CSGALNACT1: variants seen among roughly 807,000 people sequenced by gnomAD.
CSGALNACT1 encodes chondroitin sulfate N-acetylgalactosaminyltransferase 1.
In CSGALNACT1, 52 loss-of-function variants were observed where a neutral mutation model predicts 51.0. The observed-to-expected ratio is 1.02, with a 90% CI of 0.82 to 1.29. The LOEUF (loss-of-function observed/expected upper bound fraction) is 1.29, where lower values mean the gene tolerates loss of function less well. CSGALNACT1 is among the 50% of genes most tolerant of loss of function. The pLI is 0.00. For synonymous variants in CSGALNACT1, 341 were observed against 254.4 expected (o/e 1.34, Z -3.24); for missense variants, 935 against 679.2 (o/e 1.38, Z -4.19).
intron 3 of CSGALNACT1, among the ~76,000 whole-genome samples, chr8:19,520,932 A>G (rs1382312963): frequency 6.6e-6 from 1 of 152,200 alleles, no homozygotes; most frequent in Non-Finnish European, 1.5e-5. Context: ...ACCATGCCAC[A>G]TGGCTTCTCT....
chr8:19,415,389 T>C (rs1411913997), intron 8 of CSGALNACT1, among the ~76,000 whole-genome samples: 3 of 152,170 alleles, frequency 2.0e-5, no homozygotes, highest in African/African-American at 4.8e-5. Flanking sequence ...CCAAACTAAA[T>C]AGTCATAAAT....
intron 1 of CSGALNACT1, among the ~76,000 whole-genome samples, chr8:19,709,135 G>C (rs1395286871): frequency 1.3e-5 from 2 of 152,202 alleles, no homozygotes; most frequent in Non-Finnish European, 2.9e-5. Flanking sequence ...CTGGATTCAA[G>C]AACGAGCTGC....
At chr8:19,504,890 CAT>C (rs1430233276) in intron 4 of CSGALNACT1, among the ~76,000 whole-genome samples, 3 of 152,138 alleles carry the variant, frequency 2.0e-5, no homozygotes, top group Non-Finnish European at 4.4e-5. Flanking sequence ...AGTGCCCTGT[CAT>C]ATTTTATTTG....
chr8:19,643,881 T>C (rs1589230720), intron 1 of CSGALNACT1, among the ~76,000 whole-genome samples: 1 of 152,310 alleles, frequency 6.6e-6, no homozygotes, highest in East Asian at 1.9e-4. Context: ...TAGCAGTAAT[T>C]TGGCAAGTAT....
At chr8:19,420,250 G>GACATCAGAGTGACTGAC in intron 7 of CSGALNACT1, 90 bp downstream of exon 6, 3 of 1,151,666 alleles carry the variant, frequency 2.6e-6, no homozygotes, top group Non-Finnish European at 3.9e-6. Flanking sequence ...TCAGAAGCAG[G>GACATCAGAGTGACTGAC]ACATCAGAGT....
upstream of CSGALNACT1, among the ~76,000 whole-genome samples, chr8:19,604,211 A>C (rs2051018421): frequency 6.6e-6 from 1 of 152,192 alleles, no homozygotes; most frequent in Non-Finnish European, 1.5e-5. Context: ...TCAGGGTGGA[A>C]GGGGAATAGC....
intron 1 of CSGALNACT1, among the ~76,000 whole-genome samples, chr8:19,721,519 G>A (rs189879854): frequency 6.6e-6 from 1 of 152,294 alleles, no homozygotes; most frequent in Non-Finnish European, 1.5e-5. Context: ...CATAAAGCCT[G>A]ATGGACCATG....
At chr8:19,727,754 T>C (rs1480185200) in intron 1 of CSGALNACT1, among the ~76,000 whole-genome samples, 6 of 152,134 alleles carry the variant, frequency 3.9e-5, no homozygotes, top group Non-Finnish European at 8.8e-5. Context: ...GGGTGACATT[T>C]CCCATCCTTC....
At chr8:19,524,693 C>T (rs1435282043) in intron 3 of CSGALNACT1, among the ~76,000 whole-genome samples, 1 of 151,972 alleles carries the variant, frequency 6.6e-6, no homozygotes, top group East Asian at 1.9e-4. Flanking sequence ...ATTGCTTATC[C>T]CTATTAAAAG....
At chr8:19,753,339 C>A (rs1399065461) in intron 1 of CSGALNACT1, among the ~76,000 whole-genome samples, 1 of 147,660 alleles carries the variant, frequency 6.8e-6, no homozygotes, top group Non-Finnish European at 1.5e-5. Flanking sequence ...GATTACTGAC[C>A]TAGACCTTGA....
intron 1 of CSGALNACT1, among the ~76,000 whole-genome samples, chr8:19,623,114 A>C (rs1232640609): frequency 2.0e-5 from 3 of 152,226 alleles, no homozygotes; most frequent in Non-Finnish European, 4.4e-5. Context: ...ATTTGACAGT[A>C]AAGGGTTAAA....
exon 10 of CSGALNACT1, chr8:19,404,247 G>C: frequency 2.3e-6 from 1 of 433,916 alleles, no homozygotes; most frequent in Non-Finnish European, 4.6e-6. Context: ...TAAACTACCA[G>C]TACAAATCAA....
chr8:19,628,127 C>T (rs7846346), intron 1 of CSGALNACT1, among the ~76,000 whole-genome samples: 104,267 of 152,042 alleles, frequency 0.69, 35,787 homozygotes, highest in East Asian at 0.89. Context: ...AGTCCTTACA[C>T]CTTTGCAGTA....
At chr8:19,740,982 A>C (rs2064277224) in intron 1 of CSGALNACT1, among the ~76,000 whole-genome samples, 1 of 152,238 alleles carries the variant, frequency 6.6e-6, no homozygotes, top group South Asian at 2.1e-4. Flanking sequence ...ATAGCAAAGC[A>C]ACTTGGAAAT....
In CSGALNACT1 at chr8:19,496,613, C is replaced by T. The variant is rs532987096; in HGVS notation, c.634+8588G>A. ...AAAAAGAACCACATAACCTTAGAAT[C>T]CAAGACTTTTTTGGAACTTAGTAGA... On this transcript the variant is annotated intron_variant, in intron 4 of 9. Coordinates refer to ENST00000454498, the Ensembl canonical transcript of CSGALNACT1. Among the ~76,000 whole-genome samples, 60 of 152,324 alleles carry T rather than the reference C, an allele frequency of 3.9e-4. 2 individuals are homozygous for T. In the South Asian group the frequency reaches 6.4e-3, roughly 16 times the overall value.
intron 3 of CSGALNACT1, among the ~76,000 whole-genome samples, chr8:19,540,542 G>A (rs536857448): frequency 6.6e-6 from 1 of 152,132 alleles, no homozygotes; most frequent in African/African-American, 2.4e-5. Context: ...AGACCCTTAT[G>A]TATCAGTAAG....
At chr8:19,452,186 G>A (rs747735909) in intron 5 of CSGALNACT1, among the ~76,000 whole-genome samples, 24 of 152,156 alleles carry the variant, frequency 1.6e-4, no homozygotes, top group Non-Finnish European at 2.6e-4. Context: ...CCCACTGACC[G>A]CCTCCAAAAG....
chr8:19,529,312 T>C (rs1156643791), intron 3 of CSGALNACT1, among the ~76,000 whole-genome samples: 1 of 152,026 alleles, frequency 6.6e-6, no homozygotes, highest in African/African-American at 2.4e-5. Context: ...TGAGCAGTAG[T>C]TGGAAGGGTG....
At chr8:19,488,769 A>T (rs945426332) in intron 4 of CSGALNACT1, among the ~76,000 whole-genome samples, 2 of 152,174 alleles carry the variant, frequency 1.3e-5, no homozygotes, top group African/African-American at 4.8e-5. Flanking sequence ...GATTATTAAT[A>T]ATGTCAGTTT....
Sources: allele counts gnomAD v4.1 joint callset (sites outside exome capture counted in the v4.1 genomes callset), GRCh38; gene constraint gnomAD v4.1.1; transcripts MANE v1.5; gene names NCBI Gene and HGNC (gene_info 2026-07-23, HGNC 2026-07-21).